Variants in ROS1 observed in about 807,000 individuals in gnomAD.
The protein encoded by ROS1 is ROS proto-oncogene 1, receptor tyrosine kinase, also known as proto-oncogene tyrosine-protein kinase ROS.
In ROS1, 263 loss-of-function variants were observed where a neutral mutation model predicts 273.5. The observed-to-expected ratio is 0.96, with a 90% confidence interval of 0.87 to 1.06. The LOEUF is 1.06. ROS1 is among the 50% of genes least tolerant of loss of function. The pLI is 0.00. For missense variants in ROS1, 2,833 were observed against 2,751.1 expected, an observed-to-expected ratio of 1.03 and a Z score of -0.67; for synonymous variants, 1,008 against 954.1, an observed-to-expected ratio of 1.06 and a Z score of -1.04.
intron 33 of ROS1, among the ~76,000 whole-genome samples, chr6:117,327,718 C>T (rs1320986944): frequency 6.6e-6 from 1 of 152,196 alleles, no homozygotes; most frequent in African/African-American, 2.4e-5. Flanking sequence ...CATACCCACT[C>T]AGAATATTTT....
chr6:117,424,045 C>T (rs1432643109), intron 1 of ROS1, among the ~76,000 whole-genome samples: 1 of 151,956 alleles, frequency 6.6e-6, no homozygotes, highest in Non-Finnish European at 1.5e-5. Flanking sequence ...ACTGCCAAAC[C>T]CTGGAAGCAA....
chr6:117,388,299 T>A (rs1266301194), intron 13 of ROS1, among the ~76,000 whole-genome samples: 1 of 152,156 alleles, frequency 6.6e-6, no homozygotes, highest in Non-Finnish European at 1.5e-5. Flanking sequence ...CTAATAGATA[T>A]AATCAGGCTC....
intron 3 of ROS1, among the ~76,000 whole-genome samples, chr6:117,415,184 T>G (rs1015541341): frequency 2.6e-5 from 4 of 152,226 alleles, no homozygotes; most frequent in African/African-American, 9.6e-5. Flanking sequence ...GAGAAATATT[T>G]AATAGCCACT....
At chr6:117,296,301 C>T (rs146009144) in intron 43 of ROS1, among the ~76,000 whole-genome samples, 3 of 151,784 alleles carry the variant, frequency 2.0e-5, no homozygotes, top group East Asian at 1.9e-4. Flanking sequence ...CTCGGAATGC[C>T]GAGGCATAAG....
chr6:117,383,969 A>G (rs922932903), intron 16 of ROS1, among the ~76,000 whole-genome samples: 1 of 152,242 alleles, frequency 6.6e-6, no homozygotes, highest in Non-Finnish European at 1.5e-5. Context: ...CTTTAAAAAT[A>G]TAAACTCCTG....
intron 3 of ROS1, among the ~76,000 whole-genome samples, chr6:117,415,172 C>T (rs1775246598): frequency 6.6e-6 from 1 of 152,196 alleles, no homozygotes; most frequent in Non-Finnish European, 1.5e-5. Flanking sequence ...GTTGCAATTT[C>T]TGAGAAATAT....
intron 12 of ROS1, among the ~76,000 whole-genome samples, 191 bp downstream of exon 12, chr6:117,393,033 T>C (rs990938411): frequency 6.6e-6 from 1 of 152,208 alleles, no homozygotes; most frequent in African/African-American, 2.4e-5. Flanking sequence ...TAAGAGTTGA[T>C]TTATGTTTGA....
intron 21 of ROS1, among the ~76,000 whole-genome samples, chr6:117,363,245 C>T (rs1779954271): frequency 6.6e-6 from 1 of 152,140 alleles, no homozygotes; most frequent in Non-Finnish European, 1.5e-5. Flanking sequence ...AAAATGTCAT[C>T]ATCAGGATGG....
In ROS1 at chr6:117,329,383, C is replaced by A. The variant is rs199563442; in HGVS notation, c.5294G>T (p.Trp1765Leu). ...LLEGSKNSIQ[W>L]EKAEDNGCRI... ...ACATCCATTATCTTCAGCTTTCTCC[C>A]ACTGTATTGAATTTTTACTCCCTTC... Residue 1765 changes from tryptophan (W) to leucine (L), a missense_variant, in exon 33 of 44, where the codon TGG becomes TTG. Trp to Leu is a moderately conservative substitution (Grantham distance 61). Transcript: ENST00000368507. 3 of 1,602,950 alleles carry A rather than the reference C, an allele frequency of 1.9e-6. No homozygotes were observed. Among genetic ancestry groups the A allele is most frequent in the Admixed American group, 1.7e-5 (1 of 59,910 alleles).
chr6:117,396,692 C>T (rs1377474113), intron 8 of ROS1, among the ~76,000 whole-genome samples: 1 of 152,076 alleles, frequency 6.6e-6, no homozygotes, highest in Non-Finnish European at 1.5e-5. Flanking sequence ...TTATAAGTAT[C>T]CTCTGAATAT....
chr6:117,336,524 T>C (rs1777488402), intron 32 of ROS1, among the ~76,000 whole-genome samples: 1 of 152,210 alleles, frequency 6.6e-6, no homozygotes, highest in Admixed American at 6.6e-5. Context: ...TATGGCTGCA[T>C]AGTATGCCAT....
intron 33 of ROS1, chr6:117,328,673 C>T (rs905125138): frequency 1.7e-6 from 1 of 600,358 alleles, no homozygotes; most frequent in Non-Finnish European, 3.3e-6. Flanking sequence ...AGAGGAGTGT[C>T]TTTGGAATTT....
intron 18 of ROS1, among the ~76,000 whole-genome samples, chr6:117,371,610 G>A (rs924653709): frequency 6.6e-6 from 1 of 152,156 alleles, no homozygotes; most frequent in Admixed American, 6.5e-5. Context: ...GTGCAGATAT[G>A]AACACAGAAA....
chr6:117,389,328 A>C, intron 13 of ROS1, 22 bp downstream of exon 13: 1 of 1,587,662 alleles, frequency 6.3e-7, no homozygotes, highest in Non-Finnish European at 8.6e-7. Flanking sequence ...GCCAGTAACC[A>C]CACTGGGGAC....
intron 18 of ROS1, among the ~76,000 whole-genome samples, chr6:117,377,233 T>G (rs940038883): frequency 6.6e-6 from 1 of 152,058 alleles, no homozygotes; most frequent in Non-Finnish European, 1.5e-5. Flanking sequence ...GCCTCAGCCT[T>G]CTGAGTAGCT....
intron 18 of ROS1, 132 bp from the exon 19 acceptor site, chr6:117,366,422 T>C (rs1780248027): frequency 7.9e-6 from 5 of 630,516 alleles, no homozygotes; most frequent in Non-Finnish European, 1.4e-5. Context: ...AGAAAATACT[T>C]TCTAACGATT....
chr6:117,327,225 G>T (rs1393506253), intron 33 of ROS1, among the ~76,000 whole-genome samples: 1 of 152,162 alleles, frequency 6.6e-6, no homozygotes, highest in Admixed American at 6.5e-5. Context: ...GTGAAGGCTG[G>T]CCCTCATAAG....
rs1295924873 is a variant in ROS1 at position 117,409,608 on chromosome 6, T to G, written c.290A>C (p.Glu97Ala). 1.9e-6 allele frequency: 3 copies of G among 1,613,844 alleles called. No homozygotes were observed. Among genetic ancestry groups the G allele is most frequent in the Non-Finnish European group, 2.5e-6 (3 of 1,179,922 alleles). ...ESCEVGCSSA[E>A]GAYEEEVLEN... is the part of the protein sequence containing the mutation. ...CAGTACTTCCTCTTCATATGCACCT[T>G]CCGCGCTGCTACAGCCAACCTCACA... The change falls in exon 5 of 44, where the codon GAA (glutamate) becomes GCA (alanine). Residue 97 changes from glutamate to alanine, a missense_variant. By Grantham distance (107) the Glu-to-Ala change is moderately radical. Transcript: ENST00000368507.
chr6:117,373,909 T>G (rs544947814), intron 18 of ROS1, among the ~76,000 whole-genome samples: 42 of 152,334 alleles, frequency 2.8e-4, no homozygotes, highest in African/African-American at 9.6e-4. Context: ...TTACAATAGC[T>G]GCAAAAATAT....
Sources: allele counts gnomAD v4.1 joint callset (sites outside exome capture counted in the v4.1 genomes callset), GRCh38; gene constraint gnomAD v4.1.1; transcripts MANE v1.5; gene names NCBI Gene and HGNC (gene_info 2026-07-23, HGNC 2026-07-21).